Variants in LIX1 observed in about 807,000 individuals in gnomAD.
LIX1 encodes protein limb expression 1 homolog.
A neutral mutation model predicts 33.4 loss-of-function variants in LIX1; 24 were observed. That is an observed-to-expected ratio of 0.72 (90% CI 0.52 to 1.01). The LOEUF is 1.01. Among genes scored for constraint, LIX1 ranks in the 50% least tolerant of loss-of-function variants. LIX1 has a pLI of 0.00. For missense variants in LIX1, 311 were observed against 339.2 expected, an observed-to-expected ratio of 0.92 and a Z score of 0.65; for synonymous variants, 124 against 124.0, an observed-to-expected ratio of 1.00 and a Z score of 0.00.
chr5:97,123,545 C>A (rs1253243691), intron 2 of LIX1, among the ~76,000 whole-genome samples: 1 of 152,218 alleles, frequency 6.6e-6, no homozygotes, highest in Non-Finnish European at 1.5e-5. Context: ...GCACTCATCA[C>A]TTTCAGCCTC....
chr5:97,113,066 G>T (rs1297136170), intron 2 of LIX1, among the ~76,000 whole-genome samples: 2 of 152,236 alleles, frequency 1.3e-5, no homozygotes, highest in Admixed American at 6.5e-5. Flanking sequence ...TAAGAGAAGA[G>T]AAGTGGAACC....
chr5:97,126,603 T>C (rs1747928304), intron 1 of LIX1, among the ~76,000 whole-genome samples: 1 of 152,080 alleles, frequency 6.6e-6, no homozygotes, highest in Non-Finnish European at 1.5e-5. Context: ...AGCTTTTTAA[T>C]TTTTTTGAAA....
chr5:97,109,404 G>A (rs1236265899), intron 2 of LIX1, among the ~76,000 whole-genome samples: 1 of 151,752 alleles, frequency 6.6e-6, no homozygotes, highest in Non-Finnish European at 1.5e-5. Flanking sequence ...CAGGCACTTG[G>A]CACCATACCT....
intron 1 of LIX1, among the ~76,000 whole-genome samples, chr5:97,136,421 C>T (rs1446410719): frequency 6.6e-6 from 1 of 152,158 alleles, no homozygotes; most frequent in Non-Finnish European, 1.5e-5. Context: ...AATCTTACCC[C>T]CTTCATGCGA....
intron 1 of LIX1, among the ~76,000 whole-genome samples, chr5:97,133,589 G>A (rs1748111357): frequency 6.6e-6 from 1 of 152,212 alleles, no homozygotes; most frequent in South Asian, 2.1e-4. Flanking sequence ...TGAACACATT[G>A]TGCTATTTAT....
At chr5:97,135,044 T>C (rs73778006) in intron 1 of LIX1, among the ~76,000 whole-genome samples, 1,661 of 152,292 alleles carry the variant, frequency 0.011, 23 homozygotes, top group African/African-American at 0.038. Flanking sequence ...TCTTCTTCTT[T>C]CATTCCCACT....
intron 1 of LIX1, among the ~76,000 whole-genome samples, chr5:97,129,186 G>T (rs551194714): frequency 1.3e-5 from 2 of 152,064 alleles, no homozygotes; most frequent in South Asian, 4.2e-4. Context: ...ACTGTCTATT[G>T]TCTTCTTGAA....
rs916934003 is a variant in LIX1, at chr5:97,105,265, A to G, written c.408T>C (p.Asp136=). ...AGGCCCCAACACTGGTGCTGGGGTC[A>G]TCTGCATCATCTAAGGTGCCCTTGG... The part of the protein sequence containing the change: ...ASTSGTLDDA[D]DPSTSVGAYH... The change falls in exon 4 of 6, where the codon GAT becomes GAC. Residue 136 remains aspartate (D), a synonymous_variant. Transcript: ENST00000274382. The G allele has an allele frequency of 1.2e-6, 2 of 1,613,936 alleles. No homozygotes were observed. The highest frequency in any genetic ancestry group is 1.7e-6 in the Non-Finnish European group (2 of 1,179,924).
intron 4 of LIX1, among the ~76,000 whole-genome samples, chr5:97,097,441 C>G (rs1746444524): frequency 6.6e-6 from 1 of 152,124 alleles, no homozygotes; most frequent in African/African-American, 2.4e-5. Flanking sequence ...ATGTGTGCTA[C>G]TATTTGCTTA....
chr5:97,141,674 T>C (rs1748292281), intron 1 of LIX1, among the ~76,000 whole-genome samples: 1 of 152,208 alleles, frequency 6.6e-6, no homozygotes, highest in African/African-American at 2.4e-5. Context: ...AAATTCCATA[T>C]GCATTTTACC....
At chr5:97,117,876 T>C (rs1404839970) in intron 2 of LIX1, among the ~76,000 whole-genome samples, 1 of 151,338 alleles carries the variant, frequency 6.6e-6, no homozygotes. Context: ...CGCATCTCAC[T>C]ACTCTGCAGC....
At chr5:97,125,782 G>A (rs1025512757) in intron 1 of LIX1, among the ~76,000 whole-genome samples, 1 of 152,224 alleles carries the variant, frequency 6.6e-6, no homozygotes, top group Non-Finnish European at 1.5e-5. Flanking sequence ...ATGTGGTCTC[G>A]AGGGGTGCAG....
intron 2 of LIX1, among the ~76,000 whole-genome samples, chr5:97,112,899 C>T (rs1454442782): frequency 6.6e-6 from 1 of 152,102 alleles, no homozygotes; most frequent in African/African-American, 2.4e-5. Context: ...ACCCCTGCCC[C>T]GTGGCATTCA....
chr5:97,104,266 C>A (rs1168072741), intron 4 of LIX1, among the ~76,000 whole-genome samples: 1 of 152,118 alleles, frequency 6.6e-6, no homozygotes, highest in Non-Finnish European at 1.5e-5. Flanking sequence ...TGGAATATAA[C>A]CTAAGAAAAC....
At chr5:97,100,126 C>G (rs1007858184) in intron 4 of LIX1, among the ~76,000 whole-genome samples, 4 of 152,190 alleles carry the variant, frequency 2.6e-5, no homozygotes, top group African/African-American at 9.7e-5. Context: ...TCTCCCCGCC[C>G]CATAAGGGAC....
intron 2 of LIX1, among the ~76,000 whole-genome samples, chr5:97,118,102 C>T (rs1050934004): frequency 6.6e-6 from 1 of 152,072 alleles, no homozygotes; most frequent in African/African-American, 2.4e-5. Flanking sequence ...GATATAATGC[C>T]CCGATGAGTG....
At chr5:97,103,538 C>T (rs896310000) in intron 4 of LIX1, among the ~76,000 whole-genome samples, 6 of 152,160 alleles carry the variant, frequency 3.9e-5, no homozygotes, top group African/African-American at 7.2e-5. Context: ...CTGGCCAGCC[C>T]GCTGCAGAGT....
chr5:97,125,268 C>T (rs9314187), intron 1 of LIX1, among the ~76,000 whole-genome samples: 2,239 of 152,204 alleles, frequency 0.015, 55 homozygotes, highest in African/African-American at 0.052. Context: ...ATGGCTAGAG[C>T]CATATGTTTT....
At chr5:97,099,648 G>A (rs191353787) in intron 4 of LIX1, among the ~76,000 whole-genome samples, 50 of 152,086 alleles carry the variant, frequency 3.3e-4, no homozygotes, top group African/African-American at 1.2e-3. Context: ...ACCAGCCTGG[G>A]CAAAATGGTG....
Sources: allele counts gnomAD v4.1 joint callset (sites outside exome capture counted in the v4.1 genomes callset), GRCh38; gene constraint gnomAD v4.1.1; transcripts MANE v1.5; gene names NCBI Gene and HGNC (gene_info 2026-07-23, HGNC 2026-07-21).